Variants in CRPPA observed in about 807,000 individuals in gnomAD.
CRPPA encodes CDP-L-ribitol pyrophosphorylase A, also known as D-ribitol-5-phosphate cytidylyltransferase.
Under a neutral mutation model 52.0 loss-of-function variants are expected in CRPPA, and 43 were observed. The ratio of observed to expected loss-of-function variants is 0.83; its 90% confidence interval spans 0.65 to 1.07. The LOEUF is 1.07. Ranked by LOEUF, CRPPA falls within the 50% of genes least tolerant of loss-of-function variation. The probability of loss-of-function intolerance (pLI) is 0.00; values close to 1 mark genes in which losing one functional copy is unlikely to be tolerated. For missense variants in CRPPA, 629 were observed against 551.7 expected (o/e 1.14, Z -1.40); for synonymous variants, 250 against 203.5 (o/e 1.23, Z -1.94).
At chr7:16,116,054 T>C (rs1054709628) in intron 9 of CRPPA, among the ~76,000 whole-genome samples, 12 of 152,296 alleles carry the variant, frequency 7.9e-5, no homozygotes, top group African/African-American at 2.6e-4. Context: ...TATCGTGTAA[T>C]GGTATGATTA....
chr7:16,325,915 T>C (rs1038825935), intron 3 of CRPPA, among the ~76,000 whole-genome samples: 4 of 152,066 alleles, frequency 2.6e-5, no homozygotes, highest in Admixed American at 1.3e-4. Flanking sequence ...TGTAGTAAAA[T>C]TGGCAACACA....
intron 9 of CRPPA, among the ~76,000 whole-genome samples, chr7:16,215,647 A>C (rs1782284297): frequency 6.6e-6 from 1 of 152,206 alleles, no homozygotes; most frequent in Non-Finnish European, 1.5e-5. Context: ...AATAATCTTA[A>C]ATTACACCAG....
At chr7:16,171,790 T>C (rs1224637066) in intron 9 of CRPPA, among the ~76,000 whole-genome samples, 4 of 152,158 alleles carry the variant, frequency 2.6e-5, no homozygotes, top group Admixed American at 2.6e-4. Context: ...AGACTCTGTC[T>C]CAAAAATAAG....
chr7:16,256,491 T>C (rs1783644411), intron 8 of CRPPA, among the ~76,000 whole-genome samples: 1 of 152,144 alleles, frequency 6.6e-6, no homozygotes, highest in African/African-American at 2.4e-5. Flanking sequence ...CTGTTCACAA[T>C]AGCAAAGTCT....
intron 9 of CRPPA, among the ~76,000 whole-genome samples, chr7:16,103,287 C>T (rs1054466125): frequency 3.9e-5 from 6 of 152,074 alleles, no homozygotes; most frequent in African/African-American, 1.4e-4. Context: ...GGGAACATCA[C>T]ACATCAGGGC....
chr7:16,390,991 ATGACCACATGAAG>A (rs1237611694), intron 2 of CRPPA, among the ~76,000 whole-genome samples: 1 of 152,148 alleles, frequency 6.6e-6, no homozygotes, highest in East Asian at 1.9e-4. Flanking sequence ...CATTCTATTA[ATGACCACATGAAG>A]TCCCATGACT....
intron 3 of CRPPA, among the ~76,000 whole-genome samples, chr7:16,330,546 G>C (rs570231452): frequency 1.3e-5 from 2 of 152,236 alleles, no homozygotes; most frequent in African/African-American, 4.8e-5. Flanking sequence ...CATAGGGAAA[G>C]CTCAAATGTA....
intron 9 of CRPPA, among the ~76,000 whole-genome samples, chr7:16,188,605 C>T (rs1781550038): frequency 6.6e-6 from 1 of 152,080 alleles, no homozygotes; most frequent in African/African-American, 2.4e-5. Flanking sequence ...TTTTTCTCAC[C>T]TATAAAATAA....
chr7:16,210,960 A>G (rs1370570228), intron 9 of CRPPA, among the ~76,000 whole-genome samples: 1 of 152,220 alleles, frequency 6.6e-6, no homozygotes, highest in Admixed American at 6.5e-5. Context: ...ATTTCAAAAT[A>G]GCTAGAAGAG....
intron 9 of CRPPA, among the ~76,000 whole-genome samples, chr7:16,122,524 T>C (rs1328791778): frequency 6.6e-6 from 1 of 151,974 alleles, no homozygotes; most frequent in African/African-American, 2.4e-5. Flanking sequence ...AAAAACATAC[T>C]CCTCTTACAG....
In CRPPA at chr7:16,379,349, A is replaced by T. The variant is rs530704514; in HGVS notation, c.535-3108T>A. ...GCTCTGTTCTGTTCCATTGATCTAT[A>T]TCTCTGTTTCGGTACCAGTACCATG... On this transcript the variant is annotated intron_variant, in intron 2 of 9. Transcript: ENST00000407010. Among the ~76,000 whole-genome samples, 231 of 152,240 alleles carry T rather than the reference A, an allele frequency of 1.5e-3. 1 individual carries two copies. The highest frequency in any genetic ancestry group is 5.4e-3 in the African/African-American group (225 of 41,532).
intron 1 of CRPPA, among the ~76,000 whole-genome samples, chr7:16,415,902 G>A (rs990528277): frequency 6.6e-6 from 1 of 152,028 alleles, no homozygotes; most frequent in Non-Finnish European, 1.5e-5. Context: ...TAGGAATTTG[G>A]GGCCAAAGTT....
intron 3 of CRPPA, among the ~76,000 whole-genome samples, chr7:16,356,345 A>G (rs1786294653): frequency 6.6e-6 from 1 of 152,136 alleles, no homozygotes; most frequent in Non-Finnish European, 1.5e-5. Context: ...AATAAACTCA[A>G]AGCTGTCTGA....
rs1190108832 is a variant in CRPPA at position 16,321,529 on chromosome 7, A to G, written c.685-12902T>C. On this transcript the variant is annotated intron_variant, in intron 3 of 9. Transcript: ENST00000407010. Reference sequence around the variant, plus strand: ...TTATATTCATACAAGGAGAACCATTACAATGCTGTTGGCCATAATCTCACT... The same window carrying G: ...TTATATTCATACAAGGAGAACCATTGCAATGCTGTTGGCCATAATCTCACT... Among the ~76,000 whole-genome samples, 13 of 152,170 alleles carry G rather than the reference A, an allele frequency of 8.5e-5. 1 individual carries two copies. Among genetic ancestry groups the G allele is most frequent in the Admixed American group, 8.5e-4 (13 of 15,280 alleles).
intron 9 of CRPPA, among the ~76,000 whole-genome samples, chr7:16,140,919 C>T (rs539629526): frequency 5.3e-5 from 8 of 152,286 alleles, no homozygotes; most frequent in Admixed American, 2.0e-4. Flanking sequence ...AAGCATGGAA[C>T]ATTTCATATG....
chr7:16,330,610 G>A (rs1417479997), intron 3 of CRPPA, among the ~76,000 whole-genome samples: 7 of 152,114 alleles, frequency 4.6e-5, no homozygotes, highest in Non-Finnish European at 7.3e-5. Context: ...TAAAAACTCC[G>A]GGAAAACCCA....
intron 9 of CRPPA, among the ~76,000 whole-genome samples, chr7:16,159,425 C>T (rs892321740): frequency 6.6e-6 from 1 of 152,150 alleles, no homozygotes; most frequent in Non-Finnish European, 1.5e-5. Context: ...TCAACTCCCA[C>T]TTATGAGGAC....
At chr7:16,399,720 G>T (rs1353090320) in intron 2 of CRPPA, among the ~76,000 whole-genome samples, 1 of 151,732 alleles carries the variant, frequency 6.6e-6, no homozygotes, top group Non-Finnish European at 1.5e-5. Flanking sequence ...TGACTGACAT[G>T]ACTGACATAT....
At chr7:16,302,404 A>G (rs892490675) in intron 4 of CRPPA, among the ~76,000 whole-genome samples, 28 of 151,836 alleles carry the variant, frequency 1.8e-4, no homozygotes, top group African/African-American at 6.5e-4. Flanking sequence ...CAGATACTTC[A>G]CAGACCCCCA....
Sources: allele counts gnomAD v4.1 joint callset (sites outside exome capture counted in the v4.1 genomes callset), GRCh38; gene constraint gnomAD v4.1.1; transcripts MANE v1.5; gene names NCBI Gene and HGNC (gene_info 2026-07-23, HGNC 2026-07-21).